ELAC2: variants seen among roughly 807,000 people sequenced by gnomAD.
The protein encoded by ELAC2 is zinc phosphodiesterase ELAC protein 2.
Under a neutral mutation model 105.2 loss-of-function variants are expected in ELAC2, and 92 were observed. The ratio of observed to expected loss-of-function variants is 0.87; its 90% CI spans 0.74 to 1.04. The LOEUF (loss-of-function observed/expected upper bound fraction) is 1.04. Ranked by LOEUF, ELAC2 falls within the 50% of genes least tolerant of loss-of-function variation. ELAC2 has a pLI of 0.00. For synonymous variants in ELAC2, 468 were observed against 409.1 expected, an observed-to-expected ratio of 1.14 and a Z score of -1.74; for missense variants, 1,099 against 1,071.7, an observed-to-expected ratio of 1.03 and a Z score of -0.36.
chr17:13,010,150 C>G lies in ELAC2; in HGVS notation c.738+463G>C, dbSNP rs932781583. Among the ~76,000 whole-genome samples the G allele has an allele frequency of 1.3e-4, 19 of 151,882 alleles. No homozygotes were observed. In the East Asian group the frequency reaches 2.1e-3, roughly 17 times the overall value. ...GGTCAGTAGTAATACTTGTTGCAGG[C>G]TCATTGCCAGTGTCATTTCTATCGA... On this transcript the variant is annotated intron_variant, in intron 8 of 23. Coordinates refer to ENST00000338034, the MANE Select transcript of ELAC2 (RefSeq NM_018127.7).
intron 23 of ELAC2, 96 bp downstream of exon 23, chr17:12,993,591 T>G: frequency 1.3e-6 from 2 of 1,583,324 alleles, no homozygotes; most frequent in Non-Finnish European, 8.6e-7. Context: ...TGGCCCCAAA[T>G]AAGAAAGCAA....
Position 12,993,516 on chromosome 17 carries a change from G to C in ELAC2, c.2253+171C>G, listed in dbSNP as rs74937316. ...ACTAGTTGGCCCCTGCAGGAGGTGGGTCTCACCAGCAAACCCAGGGTGGTT... is the reference window on the plus strand; with the variant it reads ...ACTAGTTGGCCCCTGCAGGAGGTGGCTCTCACCAGCAAACCCAGGGTGGTT... On this transcript the variant is annotated intron_variant, in intron 23 of 23. Coordinates refer to ENST00000338034, the MANE Select transcript of ELAC2 (RefSeq NM_018127.7). Among the ~76,000 whole-genome samples the C allele has an allele frequency of 0.086, 13,052 of 152,276 alleles. 777 individuals are homozygous for C. The highest frequency in any genetic ancestry group is 0.2 in the Middle Eastern group (58 of 294).
chr17:13,003,865 T>C, intron 11 of ELAC2: 2 of 421,758 alleles, frequency 4.7e-6, no homozygotes, highest in East Asian at 4.9e-5. Flanking sequence ...TCTCCACTCA[T>C]ACGGGTCCAA....
At chr17:13,010,256 C>A (rs895674006) in intron 8 of ELAC2, among the ~76,000 whole-genome samples, 1 of 152,074 alleles carries the variant, frequency 6.6e-6, no homozygotes, top group Non-Finnish European at 1.5e-5. Flanking sequence ...CTGCAACCTC[C>A]GCCTCCTGTG....
In ELAC2 at chr17:13,005,042, T is replaced by C; in HGVS notation, c.930A>G (p.Glu310=). Residue 310 remains glutamate (E), a synonymous_variant, in exon 11 of 24, where the codon GAA becomes GAG. Transcript: ENST00000338034. ...PDPGAAFVVV[E]CPDESFIQPI... ...GTTGAATGAAGCTTTCATCTGGACA[T>C]TCTACCACCACAAAAGCAGCACCAG... 2 of 1,614,160 alleles carry C rather than the reference T, an allele frequency of 1.2e-6. No individual in the cohort carries two copies. Among genetic ancestry groups the C allele is most frequent in the East Asian group, 2.2e-5 (1 of 44,876 alleles).
intron 1 of ELAC2, 168 bp downstream of exon 1, chr17:13,017,535 T>C (rs990292245): frequency 3.0e-6 from 4 of 1,315,750 alleles, no homozygotes; most frequent in Middle Eastern, 2.6e-4. Flanking sequence ...AGAAATCACA[T>C]GGATGCAAAG....
intron 21 of ELAC2, 113 bp from the exon 22 acceptor site, chr17:12,994,616 C>T: frequency 6.3e-7 from 1 of 1,595,860 alleles, no homozygotes; most frequent in Non-Finnish European, 8.6e-7. Flanking sequence ...CCTGGGTCTG[C>T]CTACTAGGAT....
chr17:13,010,760 C>T, intron 7 of ELAC2, 89 bp from the exon 8 acceptor site: 1 of 1,204,772 alleles, frequency 8.3e-7, no homozygotes, highest in Non-Finnish European at 1.2e-6. Flanking sequence ...CCTAATTTCA[C>T]TTCACATAAA....
intron 15 of ELAC2, among the ~76,000 whole-genome samples, chr17:12,999,618 C>T (rs2040658583): frequency 6.6e-6 from 1 of 152,218 alleles, no homozygotes; most frequent in South Asian, 2.1e-4. Context: ...TGCCTGGGTG[C>T]CATCGCCAAA....
chr17:12,993,590 A>G (rs982761211), intron 23 of ELAC2, 97 bp downstream of exon 23: 2 of 1,581,698 alleles, frequency 1.3e-6, no homozygotes, highest in African/African-American at 1.3e-5. Flanking sequence ...GTGGCCCCAA[A>G]TAAGAAAGCA....
At chr17:13,007,345 G>A (rs8078710) in intron 8 of ELAC2, among the ~76,000 whole-genome samples, 41,906 of 152,000 alleles carry the variant, frequency 0.28, 5,952 homozygotes, top group Middle Eastern at 0.33. Flanking sequence ...TGAAGTTAAA[G>A]AGTTACTCGT....
intron 12 of ELAC2, among the ~76,000 whole-genome samples, chr17:13,003,095 A>T (rs143190155): frequency 1.1e-4 from 16 of 152,326 alleles, no homozygotes; most frequent in African/African-American, 3.4e-4. Context: ...AAATGAAGTG[A>T]AATGAAGGGT....
intron 15 of ELAC2, among the ~76,000 whole-genome samples, chr17:12,999,308 C>T (rs1398612245): frequency 5.9e-5 from 9 of 152,292 alleles, no homozygotes; most frequent in Middle Eastern, 3.4e-3. Context: ...GCACTTCGGT[C>T]GCATCCTCCC....
intron 6 of ELAC2, among the ~76,000 whole-genome samples, chr17:13,012,167 C>T (rs2041451792): frequency 6.6e-6 from 1 of 152,194 alleles, no homozygotes; most frequent in African/African-American, 2.4e-5. Flanking sequence ...AAAAAATTCG[C>T]TGCTCTAAGA....
chr17:13,001,415 C>T lies in ELAC2; in HGVS notation c.1304+859G>A, dbSNP rs960476770. Among the ~76,000 whole-genome samples the T allele has an allele frequency of 2.6e-5, 4 of 152,048 alleles. No homozygotes were observed. In the South Asian group the frequency reaches 6.2e-4, roughly 24 times the overall value. ...GCTGGGGCAGGAGAAATGCTTGAAC[C>T]CGGGAGGCGGAGGTTGCAGTGAGCT... On this transcript the variant is annotated intron_variant, in intron 14 of 23. Coordinates refer to ENST00000338034, the MANE Select transcript of ELAC2 (RefSeq NM_018127.7).
intron 21 of ELAC2, 71 bp from the exon 22 acceptor site, chr17:12,994,574 G>A: frequency 1.2e-6 from 2 of 1,602,500 alleles, no homozygotes; most frequent in Middle Eastern, 1.7e-4. Context: ...GTCACGTGCT[G>A]TTTCCTGGTC....
Position 13,014,487 on chromosome 17 carries a change from G to A in ELAC2, c.442C>T (p.Leu148Phe). The A allele has an allele frequency of 6.2e-7, 1 of 1,613,068 alleles. No homozygotes were observed. Among genetic ancestry groups the A allele is most frequent in the Non-Finnish European group, 8.5e-7 (1 of 1,179,206 alleles). The change falls in exon 5 of 24, where the codon CTC becomes TTC. Residue 148 changes from leucine to phenylalanine, a missense_variant. Transcript: ENST00000338034. Reference protein sequence around the residue: ...LSGPPQLEKYLEAIKIFSGPL... With the variant: ...LSGPPQLEKYFEAIKIFSGPL... ...CCAGAAAATATTTTGATTGCTTCGA[G>A]GTATTTTTCCTAATGAAAAACAAAG...
intron 12 of ELAC2, chr17:13,002,800 G>T: frequency 1.5e-6 from 1 of 671,836 alleles, no homozygotes; most frequent in Non-Finnish European, 2.5e-6. Flanking sequence ...TGGGAAGAGT[G>T]AGAGGAAAAA....
chr17:13,015,095 G>T (rs1001680921), intron 4 of ELAC2, among the ~76,000 whole-genome samples: 1 of 152,222 alleles, frequency 6.6e-6, no homozygotes. Context: ...GCCCATGAAG[G>T]GCTTTAGGGT....
Sources: allele counts gnomAD v4.1 joint callset (sites outside exome capture counted in the v4.1 genomes callset), GRCh38; gene constraint gnomAD v4.1.1; transcripts MANE v1.5; gene names NCBI Gene and HGNC (gene_info 2026-07-23, HGNC 2026-07-21).